Variants in LTBP4 observed in about 807,000 individuals in gnomAD.
LTBP4 encodes latent transforming growth factor beta binding protein 4.
In LTBP4, 93 loss-of-function variants were observed where a neutral mutation model predicts 180.2. The ratio of observed to expected loss-of-function variants is 0.52; its 90% CI spans 0.44 to 0.61. The LOEUF (loss-of-function observed/expected upper bound fraction) is 0.61, where lower values mean the gene tolerates loss of function less well. Among genes scored for constraint, LTBP4 ranks in the 20% least tolerant of loss-of-function variants. The pLI, the probability that LTBP4 is intolerant of heterozygous loss-of-function variation, is 0.00. For missense variants in LTBP4, 2,116 were observed against 2,256.5 expected (o/e 0.94, Z 1.26); for synonymous variants, 947 against 934.5 (o/e 1.01, Z -0.24).
At chr19:40,597,348 C>A (rs187391485), upstream of LTBP4, 648 of 1,523,686 alleles carry the variant, frequency 4.3e-4, 5 homozygotes, top group African/African-American at 8.0e-3. Flanking sequence ...GCCAGGTCGT[C>A]GAGGTCCCGG....
chr19:40,610,865 A>G, intron 12 of LTBP4: 1 of 800,824 alleles, frequency 1.2e-6, no homozygotes, highest in Admixed American at 3.0e-5. Flanking sequence ...CTGAGTCATG[A>G]AAGATGGAGA....
upstream of LTBP4, chr19:40,601,348 G>A: frequency 5.6e-6 from 6 of 1,074,482 alleles, no homozygotes; most frequent in Non-Finnish European, 6.8e-6. Context: ...CCCCTCGGGC[G>A]GGCTGGGGCG....
intron 29 of LTBP4, among the ~76,000 whole-genome samples, chr19:40,628,859 C>A (rs1269179426): frequency 6.9e-6 from 1 of 144,036 alleles, no homozygotes; most frequent in African/African-American, 2.6e-5. Flanking sequence ...TTTTTTTTTT[C>A]TTTTCTTGGC....
At chr19:40,617,865 C>G (rs1568410626) in intron 21 of LTBP4, among the ~76,000 whole-genome samples, 1 of 152,070 alleles carries the variant, frequency 6.6e-6, no homozygotes. Flanking sequence ...AGAATGAACA[C>G]CTACCTACTC....
intron 19 of LTBP4, among the ~76,000 whole-genome samples, chr19:40,615,735 G>A (rs917612334): frequency 1.3e-5 from 2 of 152,142 alleles, no homozygotes; most frequent in Non-Finnish European, 2.9e-5. Flanking sequence ...CTGCAGCCTC[G>A]GCGACAGAGT....
chr19:40,596,803 T>G (rs1037024478), upstream of LTBP4, among the ~76,000 whole-genome samples: 1 of 152,032 alleles, frequency 6.6e-6, no homozygotes, highest in Non-Finnish European at 1.5e-5. Context: ...AGCTAAATTC[T>G]GACCGAATTC....
At position 40,622,684 on chromosome 19, in the gene LTBP4, G is replaced by A. The variant is rs2081595023; in HGVS notation, c.3484+17G>A. On this transcript the variant is annotated intron_variant, in intron 23 of 29. Coordinates refer to ENST00000396819, the MANE Select transcript of LTBP4 (RefSeq NM_001042545.2). This position sits in a 1 kb window ranked among gnomAD's most constrained non-coding sequence, Gnocchi z 5.1. ...CCGAGACAGGTGGGCATGGGCTGAT[G>A]GGGACACAGGGCTGAGGGCTTGGGT... The A allele has an allele frequency of 6.3e-7, 1 of 1,589,806 alleles. No homozygotes were observed. The highest frequency in any genetic ancestry group is 1.1e-5 in the South Asian group (1 of 89,420).
chr19:40,627,566 C>T (rs890074298), intron 28 of LTBP4, 139 bp from the exon 29 acceptor site: 31 of 1,286,788 alleles, frequency 2.4e-5, no homozygotes, highest in Admixed American at 2.4e-5. Flanking sequence ...GCTTACTGGC[C>T]CCGCAGCACC....
chr19:40,613,398 C>A lies in LTBP4; in HGVS notation c.2432-6C>A. 6.2e-7 allele frequency: 1 copy of A among 1,605,564 alleles called. No homozygotes were observed. The highest frequency in any genetic ancestry group is 8.5e-7 in the Non-Finnish European group (1 of 1,176,814). On this transcript the variant is annotated splice_polypyrimidine_tract_variant and splice_region_variant and intron_variant, in intron 16 of 29. Transcript: ENST00000396819. This position sits in a 1 kb window ranked among gnomAD's most constrained non-coding sequence, Gnocchi z 5.0. ...GTGACTCCGCCCAATCTCCCGCGTA[C>A]CCTAGACGTGAACGAGTGCCTGGAG...
intron 11 of LTBP4, chr19:40,610,101 T>C (rs1220902429): frequency 1.8e-6 from 1 of 563,688 alleles, no homozygotes; most frequent in Non-Finnish European, 3.0e-6. Flanking sequence ...CGGGGCCTGG[T>C]CGCAACTCGT....
chr19:40,601,325 G>T (rs893443463), upstream of LTBP4: 1 of 978,784 alleles, frequency 1.0e-6, no homozygotes, highest in South Asian at 4.6e-5. Flanking sequence ...GCGGGCGGGC[G>T]GGTGCGGCCG....
chr19:40,594,982 CTGTGGTCACGGCG>C (rs925625003), intron 1 of LTBP4, among the ~76,000 whole-genome samples: 1 of 151,604 alleles, frequency 6.6e-6, no homozygotes, highest in Non-Finnish European at 1.5e-5. Context: ...GGGGTGGGCT[CTGTGGTCACGGCG>C]TGTGGCCTAG....
rs1282803257 is a variant in LTBP4, at chr19:40,609,353, A to G, written c.1427-177A>G. Among the ~76,000 whole-genome samples, 1 of 152,132 alleles carries G rather than the reference A, an allele frequency of 6.6e-6. No individual in the cohort carries two copies. Among genetic ancestry groups the G allele is most frequent in the East Asian group, 1.9e-4 (1 of 5,200 alleles). ...GCATGATGAGGGGATTCGGCCAAGG[A>G]TCTGATGAGAACGTTCCAGGATAAA... On this transcript the variant is annotated intron_variant, in intron 9 of 29. Coordinates refer to ENST00000396819, the MANE Select transcript of LTBP4 (RefSeq NM_001042545.2). This position sits in a 1 kb window ranked among gnomAD's most constrained non-coding sequence, Gnocchi z 4.9.
Position 40,613,595 on chromosome 19 carries a change from G to A in LTBP4, c.2557+66G>A. The A allele has an allele frequency of 6.5e-7, 1 of 1,541,684 alleles. No homozygotes were observed. The highest frequency in any genetic ancestry group is 1.2e-5 in the South Asian group (1 of 84,190). ...TTAGGGCAGGAAAAGGCGGGACGGG[G>A]AGAAGAGGGCGAAAAGGGGAAAACG... is the stretch of plus-strand genomic sequence containing the variant. On this transcript the variant is annotated intron_variant, in intron 17 of 29. Coordinates refer to ENST00000396819, the MANE Select transcript of LTBP4 (RefSeq NM_001042545.2). The surrounding 1 kb of genome is among the most constrained non-coding windows in gnomAD (Gnocchi z 5.0).
intron 26 of LTBP4, among the ~76,000 whole-genome samples, chr19:40,625,298 ATATATATATATATATATAT>A: frequency 9.9e-5 from 1 of 10,064 alleles, no homozygotes; most frequent in East Asian, 2.1e-3. Context: ...ATATATATAT[ATATATATATATATATATAT>A]TTTTTTTTTT....
chr19:40,622,301 C>A lies in LTBP4; in HGVS notation c.3218-100C>A, dbSNP rs1460313254. On this transcript the variant is annotated intron_variant, in intron 22 of 29. Transcript: ENST00000396819. The surrounding 1 kb of genome is among the most constrained non-coding windows in gnomAD (Gnocchi z 5.1). ...GGTTCTGCCACTGATGGCTGCCACCCTCTGTTTCCCTATCTATGCCAGCCT... is the reference window on the plus strand; with the variant it reads ...GGTTCTGCCACTGATGGCTGCCACCATCTGTTTCCCTATCTATGCCAGCCT... 10 of 1,334,342 alleles carry A rather than the reference C, an allele frequency of 7.5e-6. No homozygotes were observed. The highest frequency in any genetic ancestry group is 1.0e-5 in the Non-Finnish European group (10 of 996,756). The allele number at this position is 1,334,342 out of a possible 1,614,324, so 82.7% of individuals were successfully genotyped here.
intron 1 of LTBP4, among the ~76,000 whole-genome samples, chr19:40,596,262 T>C (rs978294553): frequency 2.0e-5 from 3 of 152,118 alleles, no homozygotes; most frequent in Non-Finnish European, 4.4e-5. Flanking sequence ...TATGTTGTAC[T>C]ATGTTGCTCA....
intron 24 of LTBP4, among the ~76,000 whole-genome samples, chr19:40,623,255 AC>A (rs2081600005): frequency 1.3e-5 from 2 of 150,702 alleles, no homozygotes; most frequent in African/African-American, 4.9e-5. Flanking sequence ...GCTCACTGCA[AC>A]CTTTGTCTCC....
At chr19:40,597,501 G>A, upstream of LTBP4, 8 of 1,189,546 alleles carry the variant, frequency 6.7e-6, no homozygotes, top group Admixed American at 3.8e-5. Context: ...TGCAAAGAGG[G>A]CCCTTGGATT....
Sources: allele counts gnomAD v4.1 joint callset (sites outside exome capture counted in the v4.1 genomes callset), GRCh38; gene constraint gnomAD v4.1.1; non-coding constraint Gnocchi (gnomAD v3.1); transcripts MANE v1.5; gene names NCBI Gene and HGNC (gene_info 2026-07-23, HGNC 2026-07-21).